Variants in ZSWIM6 observed in about 807,000 individuals in gnomAD.
ZSWIM6 encodes the protein zinc finger SWIM-type containing 6.
A neutral mutation model predicts 113.2 loss-of-function variants in ZSWIM6; 9 were observed. The observed-to-expected ratio is 0.08, with a 90% CI of 0.05 to 0.14. The LOEUF (loss-of-function observed/expected upper bound fraction) is 0.14. Ranked by LOEUF, ZSWIM6 falls within the 10% of genes least tolerant of loss-of-function variation. ZSWIM6 has a pLI of 1.00. For missense variants in ZSWIM6, 1,162 were observed against 1,552.2 expected (o/e 0.75, Z 4.22); for synonymous variants, 611 against 606.5 (o/e 1.01, Z -0.11).
chr5:61,464,816 T>C (rs1747399538), intron 1 of ZSWIM6, among the ~76,000 whole-genome samples: 1 of 152,150 alleles, frequency 6.6e-6, no homozygotes, highest in South Asian at 2.1e-4. Flanking sequence ...GGGAAATAAA[T>C]AGGTAAAAGG....
At chr5:61,417,161 G>A (rs377757384) in intron 1 of ZSWIM6, among the ~76,000 whole-genome samples, 1 of 151,942 alleles carries the variant, frequency 6.6e-6, no homozygotes, top group East Asian at 1.9e-4. Context: ...AAAAATAAAA[G>A]CGCATACCTT....
In ZSWIM6 at chr5:61,399,067, C is replaced by T. The variant is rs150564652; in HGVS notation, c.676+66119C>T. ...CCTCCCAAGTAGCTTGGACTACAGA[C>T]GCATGCCACCATGCCAGGCTAATTC... On this transcript the variant is annotated intron_variant, in intron 1 of 13. Transcript: ENST00000252744. Among the ~76,000 whole-genome samples the T allele has an allele frequency of 4.0e-4, 61 of 151,270 alleles. No individual in the cohort carries two copies. In the East Asian group the frequency reaches 0.01, roughly 25 times the overall value.
At chr5:61,414,260 A>G (rs1746200723) in intron 1 of ZSWIM6, among the ~76,000 whole-genome samples, 1 of 152,134 alleles carries the variant, frequency 6.6e-6, no homozygotes, top group Non-Finnish European at 1.5e-5. Context: ...AAGTGGACAT[A>G]TCAGCCCAAT....
In ZSWIM6 at chr5:61,333,191, C is replaced by T. The variant is rs567268628; in HGVS notation, c.676+243C>T. Reference sequence around the variant, plus strand: ...AATGAATCAGCAGGACGCGCCCCTCCGTGGGCTCCGCGCCCCCGGCCCGCG... The same window carrying T: ...AATGAATCAGCAGGACGCGCCCCTCTGTGGGCTCCGCGCCCCCGGCCCGCG... On this transcript the variant is annotated intron_variant, in intron 1 of 13. Coordinates refer to ENST00000252744, the MANE Select transcript of ZSWIM6 (RefSeq NM_020928.2). 2.0e-5 allele frequency among the ~76,000 whole-genome samples: 3 copies of T among 152,088 alleles called. No homozygotes were observed. In the South Asian group the frequency reaches 6.2e-4, roughly 32 times the overall value.
chr5:61,513,007 G>A (rs532606240), intron 4 of ZSWIM6, among the ~76,000 whole-genome samples: 2 of 151,674 alleles, frequency 1.3e-5, no homozygotes, highest in Non-Finnish European at 2.9e-5. Flanking sequence ...TTAGAGGTTC[G>A]CTCTTGGTGG....
intron 1 of ZSWIM6, among the ~76,000 whole-genome samples, chr5:61,369,713 C>T (rs907362159): frequency 6.6e-6 from 1 of 152,198 alleles, no homozygotes; most frequent in Non-Finnish European, 1.5e-5. Flanking sequence ...TCAAGCACAG[C>T]TCTGTATACT....
chr5:61,541,108 T>A (rs948496249), intron 12 of ZSWIM6, among the ~76,000 whole-genome samples: 1 of 151,956 alleles, frequency 6.6e-6, no homozygotes, highest in Non-Finnish European at 1.5e-5. Flanking sequence ...CACACCTGGC[T>A]AATTTTTATG....
At chr5:61,409,821 T>C (rs1423093732) in intron 1 of ZSWIM6, among the ~76,000 whole-genome samples, 1 of 151,988 alleles carries the variant, frequency 6.6e-6, no homozygotes, top group Non-Finnish European at 1.5e-5. Flanking sequence ...TAGACAAGGA[T>C]CTAAAAGGAG....
chr5:61,451,743 T>C (rs1405949955), intron 1 of ZSWIM6, among the ~76,000 whole-genome samples: 1 of 152,192 alleles, frequency 6.6e-6, no homozygotes, highest in Non-Finnish European at 1.5e-5. Flanking sequence ...ACTTTCTGCA[T>C]TGGTTTTTAG....
intron 1 of ZSWIM6, among the ~76,000 whole-genome samples, chr5:61,407,190 C>CT (rs1327171266): frequency 6.6e-6 from 1 of 152,160 alleles, no homozygotes; most frequent in Non-Finnish European, 1.5e-5. Flanking sequence ...CTGAGCCCCA[C>CT]TTTTACATAA....
rs575486646 is a variant in ZSWIM6 at position 61,462,018 on chromosome 5, T to G, written c.677-10663T>G. Among the ~76,000 whole-genome samples, 7 of 152,338 alleles carry G rather than the reference T, an allele frequency of 4.6e-5. No homozygotes were observed. In the South Asian group the frequency reaches 1.2e-3, roughly 27 times the overall value. ...TACAAATTGGGCAGAGAGGATTTTC[T>G]TCCCAGCTGGCTCTCTACAGTAAGG... On this transcript the variant is annotated intron_variant, in intron 1 of 13. Coordinates refer to ENST00000252744, the MANE Select transcript of ZSWIM6 (RefSeq NM_020928.2).
At chr5:61,373,663 C>T (rs1046494819) in intron 1 of ZSWIM6, among the ~76,000 whole-genome samples, 3 of 152,082 alleles carry the variant, frequency 2.0e-5, no homozygotes, top group Admixed American at 2.0e-4. Context: ...TGATCATAAT[C>T]TTTTCTTGCT....
chr5:61,376,349 G>A (rs1301000711), intron 1 of ZSWIM6, among the ~76,000 whole-genome samples: 1 of 149,930 alleles, frequency 6.7e-6, no homozygotes, highest in Admixed American at 6.7e-5. Context: ...TTAGGGTTGG[G>A]GGGTGGTTTG....
In ZSWIM6 at chr5:61,530,150, G is replaced by T; in HGVS notation, c.1936G>T (p.Ala646Ser). 6.4e-7 allele frequency: 1 copy of T among 1,551,860 alleles called. No homozygotes were observed. The highest frequency in any genetic ancestry group is 8.7e-7 in the Non-Finnish European group (1 of 1,146,928). Residue 646 changes from alanine (A) to serine (S), a missense_variant, in exon 8 of 14, where the codon GCC becomes TCC. Around this residue, in one of 4 missense-constraint regions of ZSWIM6, gnomAD observed 620 missense variants for 804.6 expected, o/e 0.77. Coordinates refer to ENST00000252744, the MANE Select transcript of ZSWIM6 (RefSeq NM_020928.2). ...VGTLFSSLME[A>S]CRIDDENLSG... is the part of the protein sequence containing the mutation. ...CACTCTCTTCAGTAGCCTTATGGAA[G>T]CCTGCCGCATTGATGATGAGAACCT...
chr5:61,436,200 T>TG (rs1554035042), intron 1 of ZSWIM6, among the ~76,000 whole-genome samples: 2 of 121,714 alleles, frequency 1.6e-5, no homozygotes, highest in African/African-American at 6.0e-5. Context: ...AGACTCTGTC[T>TG]AAAAAAAAAA....
intron 1 of ZSWIM6, among the ~76,000 whole-genome samples, chr5:61,364,017 CTTCCT>C (rs2112057182): frequency 9.4e-6 from 1 of 106,756 alleles, no homozygotes; most frequent in South Asian, 3.4e-4. Context: ...CTTTTCTTTT[CTTCCT>C]TTCTTCTTTC....
intron 1 of ZSWIM6, among the ~76,000 whole-genome samples, chr5:61,468,579 T>C (rs1298130869): frequency 6.6e-6 from 1 of 152,026 alleles, no homozygotes; most frequent in Non-Finnish European, 1.5e-5. Context: ...CTAAAACAGC[T>C]GGTCATCATA....
chr5:61,434,794 G>A (rs1413451468), intron 1 of ZSWIM6, among the ~76,000 whole-genome samples: 2 of 152,032 alleles, frequency 1.3e-5, no homozygotes, highest in Non-Finnish European at 2.9e-5. Flanking sequence ...GGGAGGGGTG[G>A]AGTGGAGGAT....
At chr5:61,369,963 G>A (rs1470878047) in intron 1 of ZSWIM6, among the ~76,000 whole-genome samples, 1 of 152,086 alleles carries the variant, frequency 6.6e-6, no homozygotes, top group Non-Finnish European at 1.5e-5. Context: ...ACAAAACAGA[G>A]GCTATAGCAT....
Sources: gnomAD v4.1 joint callset for allele counts (sites outside exome capture counted in the v4.1 genomes callset) on GRCh38, gnomAD v4.1.1 for gene constraint, gnomAD v4.1.1 regional missense constraint, MANE v1.5 for transcripts, NCBI Gene and HGNC (gene_info 2026-07-23, HGNC 2026-07-21) for gene names.